PTPN14: variants seen among roughly 807,000 people sequenced by gnomAD.
PTPN14 encodes the protein tyrosine-protein phosphatase non-receptor type 14.
PTPN14 carries 53 observed loss-of-function variants against 126.8 expected under a neutral mutation model. The observed-to-expected ratio is 0.42, with a 90% CI of 0.34 to 0.53. The LOEUF is 0.53. Among genes scored for constraint, PTPN14 ranks in the 20% least tolerant of loss-of-function variants. The pLI is 0.08. For synonymous variants in PTPN14, 630 were observed against 599.3 expected, an observed-to-expected ratio of 1.05 and a Z score of -0.75; for missense variants, 1,257 against 1,552.9, an observed-to-expected ratio of 0.81 and a Z score of 3.20.
At chr1:214,439,245 T>C (rs987981365) in intron 3 of PTPN14, among the ~76,000 whole-genome samples, 8 of 152,232 alleles carry the variant, frequency 5.3e-5, no homozygotes, top group African/African-American at 1.9e-4. Flanking sequence ...TCCTCATCAG[T>C]AGCTATCTTT....
intron 1 of PTPN14, among the ~76,000 whole-genome samples, chr1:214,526,064 C>T (rs966119738): frequency 2.0e-5 from 3 of 151,598 alleles, no homozygotes; most frequent in African/African-American, 7.3e-5. Context: ...CTCCTGGGTT[C>T]CAGCGATTCT....
At chr1:214,506,722 C>T (rs745723297) in intron 1 of PTPN14, among the ~76,000 whole-genome samples, 1 of 152,130 alleles carries the variant, frequency 6.6e-6, no homozygotes, top group Non-Finnish European at 1.5e-5. Flanking sequence ...AGTCAGCCAT[C>T]ACATAACTGA....
chr1:214,402,843 T>C (rs1364056707), intron 6 of PTPN14, 40 bp downstream of exon 6: 2 of 1,600,122 alleles, frequency 1.2e-6, no homozygotes, highest in East Asian at 2.2e-5. Flanking sequence ...GCTGTAAACA[T>C]CTGTTGTGCA....
Position 214,386,118 on chromosome 1 carries a change from A to G in PTPN14, c.1066+726T>C, listed in dbSNP as rs967549945. Among the ~76,000 whole-genome samples, 5 of 152,310 alleles carry G rather than the reference A, an allele frequency of 3.3e-5. No homozygotes were observed. The South Asian group carries it at 1.0e-3, about 32-fold the overall frequency. On this transcript the variant is annotated intron_variant, in intron 12 of 18. Coordinates refer to ENST00000366956, the MANE Select transcript of PTPN14 (RefSeq NM_005401.5). ...TTACCGATTTTCATATATAAGTTCC[A>G]TCATTAATCTCTCTGTATTCCAATT... is the stretch of plus-strand genomic sequence containing the variant.
chr1:214,504,077 C>T (rs1457828262), intron 1 of PTPN14, among the ~76,000 whole-genome samples: 2 of 152,176 alleles, frequency 1.3e-5, no homozygotes, highest in African/African-American at 4.8e-5. Context: ...TCACCACTTT[C>T]CCATTCCTCC....
intron 2 of PTPN14, among the ~76,000 whole-genome samples, chr1:214,456,700 T>C (rs2102641281): frequency 6.6e-6 from 1 of 152,264 alleles, no homozygotes; most frequent in African/African-American, 2.4e-5. Context: ...CACAGAAAGA[T>C]GAAGACGTAC....
intron 1 of PTPN14, among the ~76,000 whole-genome samples, chr1:214,465,450 A>T (rs12739336): frequency 0.72 from 108,645 of 151,570 alleles, 40,087 homozygotes; most frequent in Middle Eastern, 0.8. Context: ...TCTCTACAAA[A>T]AAATAAATAA....
chr1:214,528,049 G>A (rs1205361816), intron 1 of PTPN14, among the ~76,000 whole-genome samples: 1 of 152,090 alleles, frequency 6.6e-6, no homozygotes, highest in East Asian at 1.9e-4. Context: ...TTAAGTCATC[G>A]ATATCTTAAT....
intron 11 of PTPN14, 150 bp downstream of exon 11, chr1:214,390,838 T>C (rs1658732521): frequency 3.7e-6 from 2 of 542,454 alleles, no homozygotes; most frequent in East Asian, 3.1e-5. Context: ...ACAAAACGGG[T>C]GTCCATCGCA....
intron 15 of PTPN14, 104 bp downstream of exon 15, chr1:214,376,115 C>T: frequency 9.1e-7 from 1 of 1,093,180 alleles, no homozygotes; most frequent in Non-Finnish European, 1.3e-6. Flanking sequence ...GGTCTGGGGA[C>T]AAGCCAAAAG....
chr1:214,393,620 T>G (rs1257107786), intron 10 of PTPN14, 75 bp downstream of exon 10: 15 of 1,169,320 alleles, frequency 1.3e-5, no homozygotes, highest in Admixed American at 1.9e-5. Context: ...GGAAAAGAGA[T>G]CTACAGCACC....
In PTPN14 at chr1:214,464,635, G is replaced by A. The variant is rs776185401; in HGVS notation, c.169C>T (p.Arg57Ter). ...CACAGACACACCCCTCTTACCTCTCGCAGCTCCAGCCTCTGGGCCACAGCC... is the reference window on the plus strand; with the variant it reads ...CACAGACACACCCCTCTTACCTCTCACAGCTCCAGCCTCTGGGCCACAGCC... ...LEAVAQRLELRETHYFGLWFL... is the reference protein window; with the variant it reads ...LEAVAQRLEL Residue 57 changes from arginine to a stop codon, truncating the protein, a stop_gained, in exon 2 of 19, where the codon CGA becomes TGA. Transcript: ENST00000366956. LOFTEE classifies it high-confidence loss of function. 4 of 1,613,978 alleles carry A rather than the reference G, an allele frequency of 2.5e-6. No homozygotes were observed. The highest frequency in any genetic ancestry group is 1.3e-5 in the African/African-American group (1 of 75,068).
rs143986657 is a variant in PTPN14, at chr1:214,462,769, A to C, written c.174+1861T>G. ...TGTTCTGTGCATGTCTTGAAGGTAA[A>C]ATTGTACCTTATTTATCTTCATTTC... On this transcript the variant is annotated intron_variant, in intron 2 of 18. Transcript: ENST00000366956. 5.6e-4 allele frequency among the ~76,000 whole-genome samples: 85 copies of C among 152,302 alleles called. 1 individual carries two copies. The East Asian group carries it at 0.012, about 21-fold the overall frequency.
intron 16 of PTPN14, among the ~76,000 whole-genome samples, chr1:214,371,257 T>C (rs1326714299): frequency 6.6e-6 from 1 of 152,158 alleles, no homozygotes; most frequent in Non-Finnish European, 1.5e-5. Context: ...CCTTTTTCCA[T>C]TTTTAAAAAT....
Position 214,414,682 on chromosome 1 carries a change from C to G in PTPN14, c.389G>C (p.Arg130Pro). ...LQVKKDVLEGRLRCTLDQVIR... is the reference protein window; with the variant it reads ...LQVKKDVLEGPLRCTLDQVIR... Reference sequence around the variant, plus strand: ...CACCTGGTCCAATGTACATCGTAATCGCCCTTCAAGCACATCTTTTTTGAC... The same window carrying G: ...CACCTGGTCCAATGTACATCGTAATGGCCCTTCAAGCACATCTTTTTTGAC... Residue 130 changes from arginine to proline, a missense_variant, in exon 4 of 19, where the codon CGA (arginine) becomes CCA (proline). Around this residue, in one of 3 missense-constraint regions of PTPN14, gnomAD observed 1,021 missense variants for 1,183.3 expected, o/e 0.86. Coordinates refer to ENST00000366956, the MANE Select transcript of PTPN14 (RefSeq NM_005401.5). 1 of 1,614,068 alleles carries G rather than the reference C, an allele frequency of 6.2e-7. No individual in the cohort carries two copies. The highest frequency in any genetic ancestry group is 8.5e-7 in the Non-Finnish European group (1 of 1,179,952).
At chr1:214,387,858 AG>A (rs369007540) in intron 11 of PTPN14, among the ~76,000 whole-genome samples, 2 of 152,280 alleles carry the variant, frequency 1.3e-5, no homozygotes, top group East Asian at 3.9e-4. Flanking sequence ...AAATAGGAAC[AG>A]GGTTAGTGTT....
intron 3 of PTPN14, among the ~76,000 whole-genome samples, chr1:214,423,269 G>T (rs1049094363): frequency 9.9e-5 from 15 of 152,112 alleles, no homozygotes; most frequent in Admixed American, 9.8e-4. Context: ...GGAGGCTGCG[G>T]TGAGTTGTGA....
chr1:214,400,268 T>C (rs1456284009), intron 7 of PTPN14, among the ~76,000 whole-genome samples: 1 of 152,190 alleles, frequency 6.6e-6, no homozygotes. Context: ...ACTGGTACTG[T>C]TGCTCCCACC....
intron 5 of PTPN14, among the ~76,000 whole-genome samples, chr1:214,405,583 ACT>A (rs1659146268): frequency 1.3e-5 from 2 of 149,792 alleles, no homozygotes; most frequent in African/African-American, 2.5e-5. Flanking sequence ...TTCTGCCTGC[ACT>A]CTGTCTGCTC....
Sources: allele counts gnomAD v4.1 joint callset (sites outside exome capture counted in the v4.1 genomes callset), GRCh38; gene constraint gnomAD v4.1.1; regional missense constraint gnomAD v4.1.1; transcripts MANE v1.5; gene names NCBI Gene and HGNC (gene_info 2026-07-23, HGNC 2026-07-21).